The following FCER1A variants were observed in gnomAD, a reference collection of about 807,000 sequenced individuals.
FCER1A encodes the protein Fc epsilon receptor Ia.
FCER1A carries 24 observed loss-of-function variants against 23.6 expected under a neutral mutation model. The ratio of observed to expected loss-of-function variants is 1.02; its 90% confidence interval spans 0.74 to 1.43. The LOEUF (loss-of-function observed/expected upper bound fraction) is 1.43, where lower values mean the gene tolerates loss of function less well. FCER1A is among the 40% of genes most tolerant of loss of function. The pLI, the probability that FCER1A is intolerant of heterozygous loss-of-function variation, is 0.00. For missense variants in FCER1A, 318 were observed against 294.5 expected, an observed-to-expected ratio of 1.08 and a Z score of -0.58; for synonymous variants, 121 against 108.8, an observed-to-expected ratio of 1.11 and a Z score of -0.70.
chr1:159,287,658 C>T (rs1652051573), upstream of FCER1A, among the ~76,000 whole-genome samples: 2 of 147,870 alleles, frequency 1.4e-5, no homozygotes, highest in South Asian at 4.2e-4. Context: ...TTATATATGT[C>T]TATATACACA....
At chr1:159,296,254 A>G (rs1171068885) in intron 1 of FCER1A, among the ~76,000 whole-genome samples, 1 of 152,164 alleles carries the variant, frequency 6.6e-6, no homozygotes, top group Non-Finnish European at 1.5e-5. Flanking sequence ...TCAGGGCCTC[A>G]AACTGGATCT....
Position 159,303,967 on chromosome 1 carries a change from A to G in FCER1A, c.116A>G (p.Asn39Ser), listed in dbSNP as rs976896902. ...AAGGTCTCCTTGAACCCTCCATGGA[A>G]TAGAATATTTAAAGGAGAGAATGTG... Reference protein sequence around the residue: ...KPKVSLNPPWNRIFKGENVTL... With the variant: ...KPKVSLNPPWSRIFKGENVTL... Residue 39 changes from asparagine to serine, a missense_variant, in exon 3 of 5, where the codon AAT (asparagine) becomes AGT (serine). Transcript: ENST00000693622. 2.5e-6 allele frequency: 4 copies of G among 1,611,352 alleles called. No homozygotes were observed. The highest frequency in any genetic ancestry group is 3.4e-6 in the Non-Finnish European group (4 of 1,177,618).
chr1:159,284,112 A>G, the FCER1A span, among the ~76,000 whole-genome samples: 1 of 152,208 alleles, frequency 6.6e-6, no homozygotes, highest in Admixed American at 6.5e-5. Flanking sequence ...ATTGGAGAGC[A>G]GCTAGCTTCC....
intron 3 of FCER1A, 128 bp from the exon 4 acceptor site, chr1:159,305,860 G>T: frequency 1.2e-6 from 1 of 813,456 alleles, no homozygotes; most frequent in Non-Finnish European, 1.9e-6. Flanking sequence ...TCCACTTTAT[G>T]AGCCAAAAAG....
Position 159,304,001 on chromosome 1 carries a change from A to G in FCER1A, c.150A>G (p.Thr50=), listed in dbSNP as rs201314370. The change falls in exon 3 of 5, where the codon ACA becomes ACG. Residue 50 remains threonine (T), a synonymous_variant. Coordinates refer to ENST00000693622, the MANE Select transcript of FCER1A (RefSeq NM_001387280.1). ...RIFKGENVTL[T]CNGNNFFEVS... ...TTAAAGGAGAGAATGTGACTCTTAC[A>G]TGTAATGGGAACAATTTCTTTGAAG... The G allele has an allele frequency of 5.7e-5, 92 of 1,613,582 alleles. No homozygotes were observed. The Admixed American group carries it at 9.0e-4, about 16-fold the overall frequency.
rs759211820 is a variant in FCER1A, at chr1:159,302,415, C to T, written c.51C>T (p.Phe17=). ...CTCTACTGTGTGTAGCCTTACTGTT[C>T]TTCGGTAAGTAGAGATTCAATTACC... The part of the protein sequence containing the change: ...SPTLLCVALL[F]FAPDGVLAVP... Residue 17 remains phenylalanine, a synonymous_variant, in exon 1 of 5, where the codon TTC becomes TTT. Coordinates refer to ENST00000693622, the MANE Select transcript of FCER1A (RefSeq NM_001387280.1). 5 of 1,605,634 alleles carry T rather than the reference C, an allele frequency of 3.1e-6. No homozygotes were observed. The highest frequency in any genetic ancestry group is 3.3e-5 in the Admixed American group (2 of 60,000).
chr1:159,291,012 C>T (rs1390928014), intron 1 of FCER1A, among the ~76,000 whole-genome samples: 1 of 152,100 alleles, frequency 6.6e-6, no homozygotes. Context: ...ATGCTATAGG[C>T]AAGCCAAGGA....
upstream of FCER1A, among the ~76,000 whole-genome samples, chr1:159,288,196 A>C (rs1652063657): frequency 6.6e-6 from 1 of 152,214 alleles, no homozygotes; most frequent in Non-Finnish European, 1.5e-5. Context: ...GTTAAAAATG[A>C]ATACATTCAC....
chr1:159,294,479 A>G (rs1441749345), intron 1 of FCER1A, among the ~76,000 whole-genome samples: 2 of 152,134 alleles, frequency 1.3e-5, no homozygotes, highest in Non-Finnish European at 2.9e-5. Context: ...TCTTAACCCT[A>G]TTTAAAACAG....
At chr1:159,298,579 T>A (rs571750164), upstream of FCER1A, among the ~76,000 whole-genome samples, 9 of 152,292 alleles carry the variant, frequency 5.9e-5, no homozygotes, top group East Asian at 9.6e-4. Context: ...TAACAGGCAG[T>A]CAGCATCTGC....
upstream of FCER1A, among the ~76,000 whole-genome samples, chr1:159,298,928 GTGTAGACTCAA>G (rs1292590527): frequency 6.6e-5 from 10 of 152,284 alleles, no homozygotes; most frequent in South Asian, 2.1e-3. Context: ...TAATCACAAA[GTGTAGACTCAA>G]TGAATAAAGA....
chr1:159,292,407 A>C (rs546894565), intron 1 of FCER1A, among the ~76,000 whole-genome samples: 13 of 152,202 alleles, frequency 8.5e-5, no homozygotes, highest in Non-Finnish European at 1.8e-4. Context: ...CTGTCTACCC[A>C]GTTATTACAG....
chr1:159,296,944 C>T (rs1652307529), intron 1 of FCER1A, among the ~76,000 whole-genome samples: 1 of 152,284 alleles, frequency 6.6e-6, no homozygotes, highest in African/African-American at 2.4e-5. Flanking sequence ...GGTCACAGAA[C>T]TGTTTAGCCA....
upstream of FCER1A, among the ~76,000 whole-genome samples, chr1:159,288,439 C>G (rs1233587612): frequency 6.7e-6 from 1 of 149,042 alleles, no homozygotes; most frequent in African/African-American, 2.6e-5. Flanking sequence ...GCTCTTCTGC[C>G]TTGGTTTTGT....
chr1:159,288,577 C>A (rs1034190929), upstream of FCER1A, among the ~76,000 whole-genome samples: 12 of 152,138 alleles, frequency 7.9e-5, no homozygotes, highest in Non-Finnish European at 1.6e-4. Context: ...ATTCAGTTAA[C>A]CTGGGTTATC....
At chr1:159,299,228 C>T (rs1472360479), upstream of FCER1A, among the ~76,000 whole-genome samples, 1 of 152,202 alleles carries the variant, frequency 6.6e-6, no homozygotes, top group Non-Finnish European at 1.5e-5. Context: ...CACGAGCAGA[C>T]AGGCATTTTG....
chr1:159,293,172 G>A (rs899951916), intron 1 of FCER1A, among the ~76,000 whole-genome samples: 15 of 143,418 alleles, frequency 1.0e-4, no homozygotes, highest in Non-Finnish European at 2.2e-4. Context: ...TACACACTGT[G>A]TGTGTGTGTG....
chr1:159,289,043 A>G (rs1652083970), upstream of FCER1A, among the ~76,000 whole-genome samples: 1 of 152,188 alleles, frequency 6.6e-6, no homozygotes, highest in South Asian at 2.1e-4. Flanking sequence ...ACTAGAAATA[A>G]CATGTCTTCC....
chr1:159,285,514 A>G (rs865981432), upstream of FCER1A, among the ~76,000 whole-genome samples: 41 of 151,858 alleles, frequency 2.7e-4, 2 homozygotes, highest in African/African-American at 9.9e-4. Context: ...ATATTAAACT[A>G]TGGACTATAT....
Sources: gnomAD v4.1 joint callset for allele counts (sites outside exome capture counted in the v4.1 genomes callset) on GRCh38, gnomAD v4.1.1 for gene constraint, MANE v1.5 for transcripts, NCBI Gene and HGNC (gene_info 2026-07-23, HGNC 2026-07-21) for gene names.